RNPC3: variants seen among roughly 807,000 people sequenced by gnomAD.
The protein encoded by RNPC3 is RNA-binding region-containing protein 3.
Under a neutral mutation model 67.5 loss-of-function variants are expected in RNPC3, and 48 were observed. That is an observed-to-expected ratio of 0.71 (90% CI 0.56 to 0.90). The LOEUF (loss-of-function observed/expected upper bound fraction) is 0.90. RNPC3 is among the 40% of genes least tolerant of loss of function. RNPC3 has a pLI of 0.00. For missense variants in RNPC3, 637 were observed against 626.1 expected, an observed-to-expected ratio of 1.02 and a Z score of -0.19; for synonymous variants, 239 against 210.3, an observed-to-expected ratio of 1.14 and a Z score of -1.18.
At chr1:103,537,904 C>T (rs913213300) in intron 7 of RNPC3, among the ~76,000 whole-genome samples, 1 of 151,944 alleles carries the variant, frequency 6.6e-6, no homozygotes, top group Admixed American at 6.6e-5. Context: ...AGTGCAATGG[C>T]GCGATCTCAG....
chr1:103,527,493 G>T (rs1650749644), intron 1 of RNPC3, among the ~76,000 whole-genome samples: 1 of 152,188 alleles, frequency 6.6e-6, no homozygotes, highest in Admixed American at 6.5e-5. Flanking sequence ...GATAGAGGTT[G>T]CATAGCTTTC....
intron 13 of RNPC3, among the ~76,000 whole-genome samples, chr1:103,551,495 T>C (rs1048850268): frequency 1.3e-5 from 2 of 152,130 alleles, no homozygotes; most frequent in Non-Finnish European, 1.5e-5. Context: ...GTTTGCAAAC[T>C]AGAAATCAGC....
intron 13 of RNPC3, among the ~76,000 whole-genome samples, 186 bp from the exon 14 acceptor site, chr1:103,551,535 A>G (rs1017392780): frequency 6.6e-6 from 1 of 152,202 alleles, no homozygotes; most frequent in Non-Finnish European, 1.5e-5. Context: ...AGGCCCAGGT[A>G]TAAAAAATAA....
chr1:103,535,611 C>T (rs1250221274), intron 5 of RNPC3, among the ~76,000 whole-genome samples, 170 bp downstream of exon 5: 8 of 152,010 alleles, frequency 5.3e-5, no homozygotes, highest in East Asian at 1.9e-4. Context: ...TATAAGGTAT[C>T]GTATAAGTGG....
intron 6 of RNPC3, among the ~76,000 whole-genome samples, chr1:103,536,701 A>G (rs549018077): frequency 4.6e-5 from 7 of 152,270 alleles, no homozygotes; most frequent in African/African-American, 9.6e-5. Flanking sequence ...TTGAGTGTTC[A>G]TATATGAATA....
intron 12 of RNPC3, among the ~76,000 whole-genome samples, chr1:103,549,804 G>T (rs1015731748): frequency 6.6e-6 from 1 of 152,076 alleles, no homozygotes; most frequent in African/African-American, 2.4e-5. Flanking sequence ...TAAAATTATG[G>T]TTTTAATTAG....
chr1:103,544,809 AGTATATTGAGAAACACC>A (rs1651205258), intron 9 of RNPC3, 115 bp from the exon 10 acceptor site: 3 of 508,946 alleles, frequency 5.9e-6, no homozygotes, highest in Non-Finnish European at 9.7e-6. Flanking sequence ...TGCCTCTTTT[AGTATATTGAGAAACACC>A]AAAGAATTTT....
chr1:103,532,145 T>G, intron 2 of RNPC3, among the ~76,000 whole-genome samples: 1 of 152,134 alleles, frequency 6.6e-6, no homozygotes, highest in Middle Eastern at 3.2e-3. Context: ...CTGTAAGTAT[T>G]TGGGTTTATT....
intron 9 of RNPC3, 96 bp from the exon 10 acceptor site, chr1:103,544,845 A>G (rs1027201134): frequency 3.1e-6 from 2 of 650,590 alleles, no homozygotes; most frequent in Non-Finnish European, 4.8e-6. Context: ...TTAGTGCCAG[A>G]AGATATATTA....
intron 11 of RNPC3, chr1:103,546,725 T>C: frequency 2.6e-6 from 1 of 386,126 alleles, no homozygotes; most frequent in Non-Finnish European, 4.6e-6. Flanking sequence ...TCTGCTGGTA[T>C]GCAGAAGCTG....
At chr1:103,538,565 G>C (rs181933574) in intron 7 of RNPC3, among the ~76,000 whole-genome samples, 1 of 152,298 alleles carries the variant, frequency 6.6e-6, no homozygotes, top group Non-Finnish European at 1.5e-5. Context: ...ACAAGGTAAT[G>C]TATTGATCAG....
In RNPC3 at chr1:103,533,856, A is replaced by C; in HGVS notation, c.358A>C (p.Arg120=). ...CACTTCAGGCTCTGAAAAAAAAAAA[A>C]GGTATGTAGATCAGTAAATCATACA... ...CPTSGSEKKK[R]SDDPVEDDKE... is the part of the protein sequence containing the mutation. The change falls in exon 3 of 15, where the codon AGG becomes CGG. Residue 120 remains arginine (R), a splice_region_variant and synonymous_variant. Coordinates refer to ENST00000423855, the MANE Select transcript of RNPC3 (RefSeq NM_017619.4). The C allele has an allele frequency of 1.5e-6, 2 of 1,378,186 alleles. No homozygotes were observed. Among genetic ancestry groups the C allele is most frequent in the Non-Finnish European group, 2.0e-6 (2 of 1,005,392 alleles). The allele number at this position is 1,378,186 out of a possible 1,614,324, so 85.4% of individuals were successfully genotyped here.
At chr1:103,545,148 T>C in intron 10 of RNPC3, 46 bp downstream of exon 10, 1 of 1,447,830 alleles carries the variant, frequency 6.9e-7, no homozygotes, top group Non-Finnish European at 9.2e-7. Flanking sequence ...TTTACATATC[T>C]TTGACTCTAT....
chr1:103,536,221 T>C (rs1650983844), intron 6 of RNPC3, 27 bp downstream of exon 6: 1 of 1,480,476 alleles, frequency 6.8e-7, no homozygotes, highest in African/African-American at 1.4e-5. Flanking sequence ...AATTTTCAAG[T>C]CAAAATTTCT....
intron 13 of RNPC3, 90 bp downstream of exon 13, chr1:103,551,163 C>G (rs975931184): frequency 1.2e-5 from 13 of 1,108,238 alleles, no homozygotes; most frequent in Non-Finnish European, 1.5e-5. Context: ...TAGAAATTTC[C>G]ACAATTGGCA....
chr1:103,553,800 C>T (rs1213108914), intron 14 of RNPC3: 1 of 152,156 alleles, frequency 6.6e-6, no homozygotes, highest in Non-Finnish European at 1.5e-5. Context: ...TAGCAGACCT[C>T]TCATCTGAAG....
In RNPC3 at chr1:103,536,206, C is replaced by G; in HGVS notation, c.624+12C>G. 6.5e-7 allele frequency: 1 copy of G among 1,531,118 alleles called. No homozygotes were observed. The highest frequency in any genetic ancestry group is 8.8e-7 in the Non-Finnish European group (1 of 1,141,580). 94.8% of individuals were successfully genotyped at this position (1,531,118 alleles called of 1,614,324 possible). A position where few individuals can be genotyped will look rare whatever the true frequency, so the allele number is the denominator to read the frequency against. On this transcript the variant is annotated intron_variant, in intron 6 of 14. Coordinates refer to ENST00000423855, the MANE Select transcript of RNPC3 (RefSeq NM_017619.4). ...CGCGACCTCCCATGGTAAGAAAACT[C>G]TTAGAATTTTCAAGTCAAAATTTCT...
Position 103,526,274 on chromosome 1 carries a change from C to T in RNPC3, c.192+12C>T, listed in dbSNP as rs1448355834. ...ATAAGGGGCGACTGGTAAGGGCGCG[C>T]CCCTCCGGAGTCTCCCGGGAAGGCA... On this transcript the variant is annotated intron_variant, in intron 1 of 14. Coordinates refer to ENST00000423855, the MANE Select transcript of RNPC3 (RefSeq NM_017619.4). 3.9e-6 allele frequency: 6 copies of T among 1,525,422 alleles called. No individual in the cohort carries two copies. In the Admixed American group the frequency reaches 6.2e-5, roughly 16 times the overall value. 94.5% of individuals were successfully genotyped at this position (1,525,422 alleles called of 1,614,324 possible). A position where few individuals can be genotyped will look rare whatever the true frequency, so the allele number is the denominator to read the frequency against.
intron 12 of RNPC3, among the ~76,000 whole-genome samples, chr1:103,549,284 A>T (rs781652825): frequency 6.6e-6 from 1 of 152,242 alleles, no homozygotes; most frequent in African/African-American, 2.4e-5. Context: ...AGAAGTGACT[A>T]TAACTAAATT....
Sources: gnomAD v4.1 joint callset for allele counts (sites outside exome capture counted in the v4.1 genomes callset) on GRCh38, gnomAD v4.1.1 for gene constraint, MANE v1.5 for transcripts, NCBI Gene and HGNC (gene_info 2026-07-23, HGNC 2026-07-21) for gene names.